CMIP: variants seen among roughly 807,000 people sequenced by gnomAD.
The protein encoded by CMIP is c-Maf inducing protein, also known as C-Maf-inducing protein.
In CMIP, 13 loss-of-function variants were observed where a neutral mutation model predicts 97.3. That is an observed-to-expected ratio of 0.13 (90% CI 0.09 to 0.21). CMIP has a LOEUF of 0.21. Among genes scored for constraint, CMIP ranks in the 10% least tolerant of loss-of-function variants. The pLI is 1.00. For synonymous variants in CMIP, 538 were observed against 436.3 expected, an observed-to-expected ratio of 1.23 and a Z score of -2.91; for missense variants, 847 against 1,024.9, an observed-to-expected ratio of 0.83 and a Z score of 2.37.
At chr16:81,581,083 G>C (rs948255296) in intron 1 of CMIP, among the ~76,000 whole-genome samples, 2 of 152,104 alleles carry the variant, frequency 1.3e-5, no homozygotes, top group South Asian at 2.1e-4. Context: ...GGGTTCTTCC[G>C]TGTTGCAGCA....
intron 1 of CMIP, among the ~76,000 whole-genome samples, chr16:81,449,013 C>A (rs963886605): frequency 6.6e-6 from 1 of 152,238 alleles, no homozygotes; most frequent in Admixed American, 6.5e-5. Flanking sequence ...GACCAGAATC[C>A]ATTTTGCTGC....
intron 14 of CMIP, 63 bp from the exon 15 acceptor site, chr16:81,699,622 C>A: frequency 9.1e-7 from 1 of 1,099,854 alleles, no homozygotes; most frequent in Non-Finnish European, 1.4e-6. Context: ...CACTTCCTGC[C>A]AGCACGCTGG....
chr16:81,455,054 A>G (rs1906459969), intron 1 of CMIP, among the ~76,000 whole-genome samples: 1 of 152,242 alleles, frequency 6.6e-6, no homozygotes, highest in Non-Finnish European at 1.5e-5. Context: ...CTCCTAGAGC[A>G]GAGTCTACCA....
chr16:81,470,546 C>A (rs1907460612), intron 1 of CMIP, among the ~76,000 whole-genome samples: 1 of 152,198 alleles, frequency 6.6e-6, no homozygotes. Context: ...TGACAGGCCA[C>A]CTGGAGGTTC....
In CMIP at chr16:81,614,800, A is replaced by C. The variant is rs1188738526; in HGVS notation, c.427-6076A>C. Among the ~76,000 whole-genome samples the C allele has an allele frequency of 2.1e-5, 3 of 146,272 alleles. No homozygotes were observed. In the East Asian group the frequency reaches 6.2e-4, roughly 30 times the overall value. ...GTATGTGTGCATGTGTGTGCCTGAT[A>C]TGTGTGTTTATATGTGGTATGTATA... On this transcript the variant is annotated intron_variant, in intron 2 of 20. Transcript: ENST00000537098. The surrounding 1 kb of genome is among the most constrained non-coding windows in gnomAD (Gnocchi z 5.3).
chr16:81,706,928 C>A, intron 19 of CMIP, 86 bp from the exon 20 acceptor site: 1 of 1,128,754 alleles, frequency 8.9e-7, no homozygotes, highest in Non-Finnish European at 1.3e-6. Context: ...CTGGCACCTG[C>A]ATTGAGCTCC....
chr16:81,640,452 A>C (rs1433861254), intron 3 of CMIP, among the ~76,000 whole-genome samples: 1 of 152,198 alleles, frequency 6.6e-6, no homozygotes, highest in Non-Finnish European at 1.5e-5. Context: ...GACTGGGACC[A>C]GGCGTCCTGG....
chr16:81,598,473 T>A (rs942804583), intron 1 of CMIP, among the ~76,000 whole-genome samples: 1 of 152,222 alleles, frequency 6.6e-6, no homozygotes, highest in Non-Finnish European at 1.5e-5. Context: ...TCACAGACGA[T>A]CCTGTAGGGC....
At chr16:81,631,037 G>C (rs2092151104) in intron 3 of CMIP, 1 of 152,280 alleles carries the variant, frequency 6.6e-6, no homozygotes, top group Non-Finnish European at 1.5e-5. Flanking sequence ...GCCCCACAGT[G>C]GGTCATCAGG....
intron 1 of CMIP, among the ~76,000 whole-genome samples, chr16:81,496,141 T>A (rs1032155585): frequency 3.3e-5 from 5 of 152,214 alleles, no homozygotes; most frequent in African/African-American, 1.2e-4. Context: ...ATAATGGGAC[T>A]GGTCTCCAAG....
In CMIP at chr16:81,544,333, A is replaced by G. The variant is rs544633597; in HGVS notation, c.301-63234A>G. Among the ~76,000 whole-genome samples the G allele has an allele frequency of 5.9e-5, 9 of 152,364 alleles. No individual in the cohort carries two copies. In the East Asian group the frequency reaches 7.7e-4, roughly 13 times the overall value. On this transcript the variant is annotated intron_variant, in intron 1 of 20. Coordinates refer to ENST00000537098, the MANE Select transcript of CMIP (RefSeq NM_198390.3). ...GAAAAATACTCAATTTTTTAATTGC[A>G]AAGTCTCTTTGGTGCTATGTGTGTG...
chr16:81,544,845 G>A (rs1484659851), intron 1 of CMIP, among the ~76,000 whole-genome samples: 1 of 152,080 alleles, frequency 6.6e-6, no homozygotes, highest in Non-Finnish European at 1.5e-5. Context: ...TGCATGGAGG[G>A]CTCTGCTTCC....
chr16:81,585,039 C>G (rs1389562280), intron 1 of CMIP, among the ~76,000 whole-genome samples: 1 of 152,224 alleles, frequency 6.6e-6, no homozygotes, highest in East Asian at 1.9e-4. Flanking sequence ...AATGTAAAAA[C>G]CACATGTAAA....
chr16:81,699,986 T>C (rs1284882449), intron 15 of CMIP, among the ~76,000 whole-genome samples, 185 bp downstream of exon 15: 1 of 152,304 alleles, frequency 6.6e-6, no homozygotes, highest in African/African-American at 2.4e-5. Context: ...TATTTGTTTC[T>C]GTTGTGATCC....
intron 1 of CMIP, among the ~76,000 whole-genome samples, chr16:81,557,386 T>G (rs1382979816): frequency 5.3e-5 from 8 of 152,212 alleles, no homozygotes; most frequent in African/African-American, 1.9e-4. Context: ...TTGAATTCAC[T>G]TATTACTGTG....
intron 1 of CMIP, among the ~76,000 whole-genome samples, chr16:81,490,400 G>A (rs1317430858): frequency 6.6e-6 from 1 of 152,136 alleles, no homozygotes; most frequent in Non-Finnish European, 1.5e-5. Context: ...TGGGCAAATT[G>A]CTTGAGCTCA....
chr16:81,492,946 C>T (rs898749348), intron 1 of CMIP, among the ~76,000 whole-genome samples: 6 of 152,008 alleles, frequency 3.9e-5, no homozygotes, highest in Non-Finnish European at 5.9e-5. Flanking sequence ...GAGGAGGGCC[C>T]GTGAGCGAGA....
intron 1 of CMIP, among the ~76,000 whole-genome samples, chr16:81,530,728 C>T (rs560759961): frequency 1.1e-4 from 16 of 152,254 alleles, no homozygotes; most frequent in Admixed American, 2.6e-4. Context: ...GAAATGTCAC[C>T]GAGTGTCAGA....
Position 81,679,253 on chromosome 16 carries a change from A to ATGTG in CMIP, c.1388+647_1388+650dup, listed in dbSNP as rs71391549. Among the ~76,000 whole-genome samples, 818 of 148,182 alleles carry ATGTG rather than the reference A, an allele frequency of 5.5e-3. 4 individuals carry two copies. The highest frequency in any genetic ancestry group is 0.017 in the African/African-American group (707 of 40,404). Reference sequence around the variant, plus strand: ...CATGCCTGTGGATTTCTCTGTAGGGATGTGTGTGTGTGTGTGTGTGTGTGT... The same window carrying ATGTG: ...CATGCCTGTGGATTTCTCTGTAGGGATGTGTGTGTGTGTGTGTGTGTGTGTGTGT... On this transcript the variant is annotated intron_variant, in intron 10 of 20. Transcript: ENST00000537098.
Sources: gnomAD v4.1 joint callset for allele counts (sites outside exome capture counted in the v4.1 genomes callset) on GRCh38, gnomAD v4.1.1 for gene constraint, Gnocchi (gnomAD v3.1) non-coding constraint, MANE v1.5 for transcripts, NCBI Gene and HGNC (gene_info 2026-07-23, HGNC 2026-07-21) for gene names.